SYNPR: variants seen among roughly 807,000 people sequenced by gnomAD.
The protein encoded by SYNPR is synaptoporin.
A neutral mutation model predicts 32.9 loss-of-function variants in SYNPR; 23 were observed. The observed-to-expected ratio is 0.70, with a 90% CI of 0.50 to 0.99. The LOEUF (loss-of-function observed/expected upper bound fraction) is 0.99, where lower values mean the gene tolerates loss of function less well. Ranked by LOEUF, SYNPR falls within the 50% of genes least tolerant of loss-of-function variation. The pLI is 0.00. For synonymous variants in SYNPR, 146 were observed against 135.9 expected (o/e 1.07, Z -0.52); for missense variants, 318 against 349.3 (o/e 0.91, Z 0.71).
chr3:63,302,946 G>T (rs1361100375), intron 2 of SYNPR, among the ~76,000 whole-genome samples: 1 of 151,820 alleles, frequency 6.6e-6, no homozygotes, highest in Non-Finnish European at 1.5e-5. Flanking sequence ...AATATTTAAG[G>T]TGATGGATAT....
chr3:63,561,940 C>T (rs960083870), intron 4 of SYNPR, among the ~76,000 whole-genome samples: 13 of 152,018 alleles, frequency 8.6e-5, no homozygotes, highest in African/African-American at 3.1e-4. Context: ...ATCTGAATGC[C>T]TTTAGAAGTA....
At chr3:63,285,974 G>A (rs1442853464) in intron 2 of SYNPR, among the ~76,000 whole-genome samples, 13 of 152,216 alleles carry the variant, frequency 8.5e-5, no homozygotes, top group Admixed American at 8.5e-4. Context: ...GATGAAAAGG[G>A]AGAAAGTAGA....
At chr3:63,223,896 A>C (rs2086110894), upstream of SYNPR, among the ~76,000 whole-genome samples, 1 of 151,858 alleles carries the variant, frequency 6.6e-6, no homozygotes, top group Admixed American at 6.6e-5. Flanking sequence ...TTTTTTCCCC[A>C]CTTCATGATG....
chr3:63,599,411 C>CT (rs749268855), intron 4 of SYNPR, among the ~76,000 whole-genome samples: 2 of 152,120 alleles, frequency 1.3e-5, no homozygotes, highest in East Asian at 1.9e-4. Context: ...TTTACTGTAC[C>CT]TTTTTTATGT....
chr3:63,468,357 A>G (rs1265882425), intron 2 of SYNPR, among the ~76,000 whole-genome samples: 1 of 152,136 alleles, frequency 6.6e-6, no homozygotes, highest in Non-Finnish European at 1.5e-5. Flanking sequence ...ATGTTTCAAA[A>G]TTCTTCTGAT....
intron 3 of SYNPR, among the ~76,000 whole-genome samples, chr3:63,523,484 C>A (rs1170757447): frequency 6.6e-6 from 1 of 152,128 alleles, no homozygotes; most frequent in Non-Finnish European, 1.5e-5. Flanking sequence ...CCCCCTACCT[C>A]ATCCCAGGAA....
chr3:63,460,843 G>T (rs1284888427), intron 2 of SYNPR, among the ~76,000 whole-genome samples: 1 of 152,068 alleles, frequency 6.6e-6, no homozygotes, highest in Non-Finnish European at 1.5e-5. Context: ...ATAGATGTTT[G>T]GGGGCAAGGC....
intron 2 of SYNPR, among the ~76,000 whole-genome samples, chr3:63,411,535 A>G (rs774270803): frequency 2.0e-5 from 3 of 152,176 alleles, no homozygotes; most frequent in African/African-American, 4.8e-5. Flanking sequence ...TTATATACAC[A>G]TAACGACCAA....
At chr3:63,298,245 T>C (rs1387125838) in intron 2 of SYNPR, among the ~76,000 whole-genome samples, 2 of 152,132 alleles carry the variant, frequency 1.3e-5, no homozygotes, top group Non-Finnish European at 2.9e-5. Context: ...CAAGATGGGG[T>C]CAGTTAGGTT....
intron 3 of SYNPR, among the ~76,000 whole-genome samples, chr3:63,496,181 T>C (rs2106727200): frequency 6.6e-6 from 1 of 152,206 alleles, no homozygotes. Context: ...TTAAAATCCT[T>C]CTTAATGTAA....
At chr3:63,378,836 A>T (rs2087929259) in intron 2 of SYNPR, among the ~76,000 whole-genome samples, 1 of 149,752 alleles carries the variant, frequency 6.7e-6, no homozygotes, top group African/African-American at 2.5e-5. Flanking sequence ...TCTTGGGTTT[A>T]TTTTGCTCCC....
chr3:63,589,356 C>G (rs1164972611), intron 4 of SYNPR, among the ~76,000 whole-genome samples: 1 of 152,112 alleles, frequency 6.6e-6, no homozygotes, highest in Non-Finnish European at 1.5e-5. Context: ...GATTGATTAA[C>G]AGCTCTCTCT....
At chr3:63,371,074 A>G (rs983143097) in intron 2 of SYNPR, among the ~76,000 whole-genome samples, 2 of 152,086 alleles carry the variant, frequency 1.3e-5, no homozygotes, top group African/African-American at 4.8e-5. Context: ...CCACGAATGA[A>G]AGAGAGGAAT....
chr3:63,325,545 C>T (rs1361596258), intron 2 of SYNPR, among the ~76,000 whole-genome samples: 1 of 152,116 alleles, frequency 6.6e-6, no homozygotes, highest in African/African-American at 2.4e-5. Flanking sequence ...AACCTGGTGA[C>T]AGTAGGGAGT....
chr3:63,444,378 G>T (rs929069255), intron 2 of SYNPR: 1 of 152,146 alleles, frequency 6.6e-6, no homozygotes, highest in African/African-American at 2.4e-5. Context: ...TCTAGACAGG[G>T]ATGAGAAGAT....
At chr3:63,417,304 ACT>A (rs2088554746) in intron 2 of SYNPR, among the ~76,000 whole-genome samples, 1 of 152,240 alleles carries the variant, frequency 6.6e-6, no homozygotes, top group South Asian at 2.1e-4. Flanking sequence ...TCCAGGTCAC[ACT>A]GTTGCAAGAG....
intron 3 of SYNPR, among the ~76,000 whole-genome samples, chr3:63,542,393 C>T (rs976827641): frequency 4.6e-5 from 7 of 152,086 alleles, no homozygotes; most frequent in Admixed American, 3.9e-4. Context: ...ATAAGTAACA[C>T]TGCTCGCAAA....
At chr3:63,322,035 A>G (rs556605693) in intron 2 of SYNPR, among the ~76,000 whole-genome samples, 179 of 152,138 alleles carry the variant, frequency 1.2e-3, no homozygotes, top group Middle Eastern at 3.4e-3. Context: ...TACCAGCCCA[A>G]TTAGGTCTAT....
Position 63,556,681 on chromosome 3 carries a change from C to A in SYNPR, c.348C>A (p.Ala116=). The change falls in exon 4 of 6, where the codon GCC becomes GCA. Residue 116 remains alanine, a synonymous_variant. Coordinates refer to ENST00000478300, the MANE Select transcript of SYNPR (RefSeq NM_001130003.2). ...TCGCCTTCCTCTACTCTTTGGCTGCCACTGTCGTTTACATTTTCTTCCAGA... is the reference window on the plus strand; with the variant it reads ...TCGCCTTCCTCTACTCTTTGGCTGCAACTGTCGTTTACATTTTCTTCCAGA... The part of the protein sequence containing the change: ...AVFAFLYSLA[A]TVVYIFFQNK... 2 of 1,613,816 alleles carry A rather than the reference C, an allele frequency of 1.2e-6. No homozygotes were observed. Among genetic ancestry groups the A allele is most frequent in the Admixed American group, 3.3e-5 (2 of 59,998 alleles).
Sources: gnomAD v4.1 joint callset for allele counts (sites outside exome capture counted in the v4.1 genomes callset) on GRCh38, gnomAD v4.1.1 for gene constraint, MANE v1.5 for transcripts, NCBI Gene and HGNC (gene_info 2026-07-23, HGNC 2026-07-21) for gene names.